TRIM44: variants seen among roughly 807,000 people sequenced by gnomAD.
TRIM44 encodes the protein tripartite motif-containing protein 44.
Under a neutral mutation model 37.4 loss-of-function variants are expected in TRIM44, and 13 were observed. The observed-to-expected ratio is 0.35, with a 90% CI of 0.23 to 0.55. The LOEUF (loss-of-function observed/expected upper bound fraction) is 0.55, where lower values mean the gene tolerates loss of function less well. Ranked by LOEUF, TRIM44 falls within the 20% of genes least tolerant of loss-of-function variation. The pLI is 0.89. For missense variants in TRIM44, 426 were observed against 437.2 expected (o/e 0.97, Z 0.23); for synonymous variants, 175 against 157.2 (o/e 1.11, Z -0.85).
At chr11:35,721,836 C>T (rs1852111219) in intron 2 of TRIM44, among the ~76,000 whole-genome samples, 1 of 152,112 alleles carries the variant, frequency 6.6e-6, no homozygotes, top group African/African-American at 2.4e-5. Flanking sequence ...TTGTTTTATT[C>T]ACAAATAGTG....
chr11:35,786,479 T>C (rs1051048204), intron 4 of TRIM44, among the ~76,000 whole-genome samples: 1 of 152,172 alleles, frequency 6.6e-6, no homozygotes, highest in African/African-American at 2.4e-5. Flanking sequence ...CCACTTACAC[T>C]ACTACCACCT....
chr11:35,772,010 C>T (rs1259009503), intron 4 of TRIM44, among the ~76,000 whole-genome samples: 2 of 152,156 alleles, frequency 1.3e-5, no homozygotes, highest in African/African-American at 4.8e-5. Context: ...TGTCCCTGTG[C>T]TGTGTGCAGC....
At chr11:35,702,345 G>A (rs1430420767) in intron 2 of TRIM44, among the ~76,000 whole-genome samples, 1 of 152,202 alleles carries the variant, frequency 6.6e-6, no homozygotes, top group Non-Finnish European at 1.5e-5. Context: ...ACCGTTCTTT[G>A]ACCCTATCCC....
chr11:35,731,843 C>T (rs143660599), intron 3 of TRIM44, among the ~76,000 whole-genome samples: 53 of 152,024 alleles, frequency 3.5e-4, no homozygotes, highest in Admixed American at 1.4e-3. Flanking sequence ...TTATTTTAAA[C>T]TTGAAACATA....
At chr11:35,704,817 G>A (rs1851851826) in intron 2 of TRIM44, among the ~76,000 whole-genome samples, 1 of 152,178 alleles carries the variant, frequency 6.6e-6, no homozygotes, top group Admixed American at 6.5e-5. Flanking sequence ...ATGCCAAGTT[G>A]TAAAGACCAT....
At position 35,816,918 on chromosome 11, in the gene TRIM44, T is replaced by C. The variant is rs542278481; in HGVS notation, c.*10533T>C. On this transcript the variant is annotated 3_prime_UTR_variant, in exon 5 of 5. Coordinates refer to ENST00000299413, the MANE Select transcript of TRIM44 (RefSeq NM_017583.6). ...CTCACTGAGCTGCTCTGCTCACCTC[T>C]AGATGCTCCCCATGGCTGTTTCATA... The C allele has an allele frequency of 2.0e-5, 3 of 152,350 alleles. No homozygotes were observed. In the East Asian group the frequency reaches 5.8e-4, roughly 29 times the overall value. 9.4% of individuals were successfully genotyped at this position (152,350 alleles called of 1,614,324 possible). A position where few individuals can be genotyped will look rare whatever the true frequency, so the allele number is the denominator to read the frequency against.
chr11:35,796,014 C>T (rs987149964), intron 4 of TRIM44, among the ~76,000 whole-genome samples: 12 of 152,146 alleles, frequency 7.9e-5, no homozygotes, highest in Admixed American at 4.6e-4. Flanking sequence ...GTACGAACAC[C>T]GACCTCAAAA....
intron 2 of TRIM44, among the ~76,000 whole-genome samples, chr11:35,692,551 A>G (rs1851649644): frequency 6.6e-6 from 1 of 152,176 alleles, no homozygotes; most frequent in Non-Finnish European, 1.5e-5. Context: ...TCAGTGCTCA[A>G]AGAATTTTGG....
intron 2 of TRIM44, among the ~76,000 whole-genome samples, chr11:35,712,261 T>C (rs1447323630): frequency 6.6e-6 from 1 of 152,222 alleles, no homozygotes; most frequent in Non-Finnish European, 1.5e-5. Flanking sequence ...ATGTTTATTG[T>C]TATGAAGCAG....
intron 4 of TRIM44, among the ~76,000 whole-genome samples, chr11:35,737,470 C>T (rs983098089): frequency 1.3e-5 from 2 of 151,978 alleles, no homozygotes; most frequent in Admixed American, 6.5e-5. Flanking sequence ...TTGCTTGAAC[C>T]CAGGAGTTCA....
At chr11:35,694,521 C>T (rs1467276410) in intron 2 of TRIM44, among the ~76,000 whole-genome samples, 1 of 152,078 alleles carries the variant, frequency 6.6e-6, no homozygotes, top group East Asian at 1.9e-4. Flanking sequence ...AAAGTATACC[C>T]TATAAGTGCA....
chr11:35,684,814 T>A (rs981746121), intron 1 of TRIM44, among the ~76,000 whole-genome samples: 13 of 152,186 alleles, frequency 8.5e-5, no homozygotes, highest in African/African-American at 3.1e-4. Context: ...ACACTACAGT[T>A]CCATTCATAA....
chr11:35,754,510 T>C lies in TRIM44; in HGVS notation c.1007+19065T>C, dbSNP rs560897834. Among the ~76,000 whole-genome samples the C allele has an allele frequency of 7.9e-5, 12 of 151,018 alleles. No homozygotes were observed. In the South Asian group the frequency reaches 2.5e-3, roughly 31 times the overall value. On this transcript the variant is annotated intron_variant, in intron 4 of 4. Transcript: ENST00000299413. ...CTTCAATCTTTATAGTTTATTTTTA[T>C]TTTTTTTATTATACTTTAAGTTTTA...
intron 4 of TRIM44, among the ~76,000 whole-genome samples, chr11:35,793,208 T>TA (rs148315243): frequency 2.0e-5 from 3 of 151,194 alleles, no homozygotes; most frequent in African/African-American, 7.3e-5. Context: ...GCTTCTTTTT[T>TA]AAAAAACAAA....
rs140506062 is a variant in TRIM44 at position 35,766,219 on chromosome 11, T to C, written c.1007+30774T>C. ...GTTCTCTGATGCACATTTACCCTTA[T>C]CTTAACACTGTCTCAAAAGAAAACC... is the stretch of plus-strand genomic sequence containing the variant. On this transcript the variant is annotated intron_variant, in intron 4 of 4. Transcript: ENST00000299413. Among the ~76,000 whole-genome samples, 285 of 152,328 alleles carry C rather than the reference T, an allele frequency of 1.9e-3. 2 individuals are homozygous for C. Among genetic ancestry groups the C allele is most frequent in the African/African-American group, 6.6e-3 (274 of 41,588 alleles).
intron 2 of TRIM44, among the ~76,000 whole-genome samples, chr11:35,710,474 C>T (rs758727182): frequency 6.6e-6 from 1 of 151,710 alleles, no homozygotes; most frequent in Non-Finnish European, 1.5e-5. Flanking sequence ...ACATATATAC[C>T]TCGTGTGTGC....
At chr11:35,665,471 G>T (rs1851320146) in intron 1 of TRIM44, among the ~76,000 whole-genome samples, 1 of 151,154 alleles carries the variant, frequency 6.6e-6, no homozygotes. Flanking sequence ...TCATTCCTCT[G>T]ATTACTAATG....
At chr11:35,734,110 C>G (rs980253373) in intron 3 of TRIM44, among the ~76,000 whole-genome samples, 5 of 152,046 alleles carry the variant, frequency 3.3e-5, no homozygotes, top group Admixed American at 3.3e-4. Flanking sequence ...CATTTTCTTT[C>G]TGCCTGTTTC....
At chr11:35,786,263 A>G (rs1853129603) in intron 4 of TRIM44, among the ~76,000 whole-genome samples, 1 of 152,230 alleles carries the variant, frequency 6.6e-6, no homozygotes, top group South Asian at 2.1e-4. Flanking sequence ...CATTTTACAA[A>G]TGAGAAAACT....
Sources: gnomAD v4.1 joint callset for allele counts (sites outside exome capture counted in the v4.1 genomes callset) on GRCh38, gnomAD v4.1.1 for gene constraint, MANE v1.5 for transcripts, NCBI Gene and HGNC (gene_info 2026-07-23, HGNC 2026-07-21) for gene names.